The following FYCO1 variants were observed in gnomAD, a reference collection of about 807,000 sequenced individuals.
The protein encoded by FYCO1 is FYVE and coiled-coil domain autophagy adaptor 1, also known as FYVE and coiled-coil domain-containing protein 1.
A neutral mutation model predicts 165.1 loss-of-function variants in FYCO1; 122 were observed. That is an observed-to-expected ratio of 0.74 (90% CI 0.64 to 0.86). The LOEUF is 0.86. Among genes scored for constraint, FYCO1 ranks in the 40% least tolerant of loss-of-function variants. The pLI is 0.00. For missense variants in FYCO1, 1,702 were observed against 1,810.3 expected, an observed-to-expected ratio of 0.94 and a Z score of 1.09; for synonymous variants, 648 against 742.5, an observed-to-expected ratio of 0.87 and a Z score of 2.07.
At chr3:45,951,359 C>T (rs994474562) in intron 14 of FYCO1, among the ~76,000 whole-genome samples, 1 of 152,198 alleles carries the variant, frequency 6.6e-6, no homozygotes, top group Admixed American at 6.5e-5. Context: ...GCTGCACTAC[C>T]TAGAGCCATG....
intron 12 of FYCO1, 90 bp downstream of exon 12, chr3:45,959,303 C>T (rs1019695497): frequency 7.1e-7 from 1 of 1,400,996 alleles, no homozygotes; most frequent in Non-Finnish European, 1.0e-6. Context: ...ATGGTGCCAA[C>T]ACCTATCACA....
chr3:45,939,459 G>A (rs948573417), intron 14 of FYCO1, among the ~76,000 whole-genome samples: 17 of 152,228 alleles, frequency 1.1e-4, no homozygotes, highest in African/African-American at 4.1e-4. Flanking sequence ...TCTACAAATG[G>A]GAGTCTATAG....
chr3:45,967,663 A>G lies in FYCO1; in HGVS notation c.1671T>C (p.Ala557=). The G allele has an allele frequency of 6.2e-7, 1 of 1,611,650 alleles. No homozygotes were observed. The highest frequency in any genetic ancestry group is 1.7e-5 in the Admixed American group (1 of 60,018). ...CTGGCAGTTCTGGGCCAGGCGGCCC[A>G]GCAAGCCGCTCGAGCATACCCACCT... The part of the protein sequence containing the change: ...SQQVGMLERL[A]GPPGPELPVA... Residue 557 remains alanine (A), a synonymous_variant, in exon 8 of 18, where the codon GCT becomes GCC. Coordinates refer to ENST00000296137, the MANE Select transcript of FYCO1 (RefSeq NM_024513.4).
At chr3:45,946,138 C>G in intron 14 of FYCO1, 2 of 253,636 alleles carry the variant, frequency 7.9e-6, no homozygotes, top group Non-Finnish European at 1.5e-5. Flanking sequence ...GCACTGTGCC[C>G]ACCTGGCAGC....
At chr3:45,929,767 T>C (rs1217202983) in intron 16 of FYCO1, among the ~76,000 whole-genome samples, 1 of 151,594 alleles carries the variant, frequency 6.6e-6, no homozygotes, top group Non-Finnish European at 1.5e-5. Context: ...CCCAAGGGAG[T>C]AGAGTTACAT....
intron 14 of FYCO1, among the ~76,000 whole-genome samples, chr3:45,941,559 A>G (rs1704226502): frequency 6.6e-6 from 1 of 152,280 alleles, no homozygotes; most frequent in Non-Finnish European, 1.5e-5. Flanking sequence ...ATAAAATTTT[A>G]GCCCCAAACC....
chr3:45,976,033 C>T (rs761828255), intron 4 of FYCO1, among the ~76,000 whole-genome samples: 5 of 152,198 alleles, frequency 3.3e-5, no homozygotes, highest in Non-Finnish European at 7.3e-5. Flanking sequence ...TATGCCAAAT[C>T]ACTACATTGA....
chr3:45,991,514 G>T (rs1707560716), intron 1 of FYCO1, among the ~76,000 whole-genome samples: 2 of 152,152 alleles, frequency 1.3e-5, no homozygotes, highest in Non-Finnish European at 2.9e-5. Context: ...CCCTTCTGTG[G>T]CTGGGCCCTG....
Position 45,929,520 on chromosome 3 carries a change from T to C in FYCO1, c.4251+1551A>G, listed in dbSNP as rs576255201. 3.5e-4 allele frequency among the ~76,000 whole-genome samples: 53 copies of C among 152,116 alleles called. No individual in the cohort carries two copies. In the East Asian group the frequency reaches 9.9e-3, roughly 28 times the overall value. ...GATTCAGGGCTGGGGGCCTGGTGGGTCTGGGGAACGTGATGGTGAGTGGCA... is the reference window on the plus strand; with the variant it reads ...GATTCAGGGCTGGGGGCCTGGTGGGCCTGGGGAACGTGATGGTGAGTGGCA... On this transcript the variant is annotated intron_variant, in intron 16 of 17. Coordinates refer to ENST00000296137, the MANE Select transcript of FYCO1 (RefSeq NM_024513.4).
chr3:45,954,263 G>A (rs1165343943), intron 14 of FYCO1, among the ~76,000 whole-genome samples: 1 of 152,150 alleles, frequency 6.6e-6, no homozygotes. Flanking sequence ...TATTGTTAGT[G>A]TTAGTTTATT....
chr3:45,950,216 G>C (rs1007234872), intron 14 of FYCO1, among the ~76,000 whole-genome samples: 1 of 152,108 alleles, frequency 6.6e-6, no homozygotes. Context: ...GGCTCTGCTT[G>C]AGTCCATACT....
At chr3:45,977,399 A>G (rs899616249) in intron 4 of FYCO1, among the ~76,000 whole-genome samples, 19 of 69,708 alleles carry the variant, frequency 2.7e-4, no homozygotes, top group African/African-American at 6.5e-4. Context: ...ATATATATAT[A>G]TATATATAAA....
chr3:45,975,632 A>G (rs933359634), intron 4 of FYCO1, among the ~76,000 whole-genome samples: 1 of 152,222 alleles, frequency 6.6e-6, no homozygotes, highest in Non-Finnish European at 1.5e-5. Flanking sequence ...ACATCTGTGG[A>G]TTCTATTGGA....
chr3:45,987,266 A>G (rs534550153), intron 1 of FYCO1, among the ~76,000 whole-genome samples: 10 of 152,212 alleles, frequency 6.6e-5, no homozygotes, highest in Non-Finnish European at 1.2e-4. Flanking sequence ...ACAGGAAAAT[A>G]TGGGGGGCAA....
At chr3:45,978,059 G>C (rs916905735) in intron 4 of FYCO1, among the ~76,000 whole-genome samples, 1 of 152,176 alleles carries the variant, frequency 6.6e-6, no homozygotes. Flanking sequence ...TTTGCTTCTA[G>C]AAAGTCAATT....
At chr3:45,991,500 G>A (rs1336012275) in intron 1 of FYCO1, among the ~76,000 whole-genome samples, 2 of 152,088 alleles carry the variant, frequency 1.3e-5, no homozygotes, top group Admixed American at 1.3e-4. Flanking sequence ...GCATCCCTGC[G>A]ATGCCCTTCT....
intron 5 of FYCO1, among the ~76,000 whole-genome samples, chr3:45,974,290 T>C (rs1706607093): frequency 6.6e-6 from 1 of 152,150 alleles, no homozygotes; most frequent in South Asian, 2.1e-4. Context: ...AGAAGATCAC[T>C]TGAGCCCAGC....
At chr3:45,971,003 G>A (rs2125856790) in intron 6 of FYCO1, among the ~76,000 whole-genome samples, 1 of 152,222 alleles carries the variant, frequency 6.6e-6, no homozygotes, top group East Asian at 1.9e-4. Flanking sequence ...AAGGAGAAAG[G>A]ATGGCATTGG....
chr3:45,981,752 G>T (rs1009671017), intron 2 of FYCO1, 76 bp from the exon 3 acceptor site: 21 of 1,019,760 alleles, frequency 2.1e-5, no homozygotes, highest in Middle Eastern at 2.1e-4. Flanking sequence ...AATCCAGGAA[G>T]CATGAGGAGC....
Sources: allele counts gnomAD v4.1 joint callset (sites outside exome capture counted in the v4.1 genomes callset), GRCh38; gene constraint gnomAD v4.1.1; transcripts MANE v1.5; gene names NCBI Gene and HGNC (gene_info 2026-07-23, HGNC 2026-07-21).